Variants in TRAF3 observed in about 807,000 individuals in gnomAD.
TRAF3 encodes TNF receptor associated factor 3, also known as TNF receptor-associated factor 3.
A neutral mutation model predicts 62.3 loss-of-function variants in TRAF3; 13 were observed. The ratio of observed to expected loss-of-function variants is 0.21; its 90% CI spans 0.14 to 0.33. The LOEUF is 0.33. Among genes scored for constraint, TRAF3 ranks in the 10% least tolerant of loss-of-function variants. TRAF3 has a pLI of 1.00. For synonymous variants in TRAF3, 269 were observed against 283.4 expected (o/e 0.95, Z 0.51); for missense variants, 440 against 741.8 (o/e 0.59, Z 4.73).
chr14:102,833,732 C>T (rs907794152), intron 2 of TRAF3, among the ~76,000 whole-genome samples: 1 of 152,188 alleles, frequency 6.6e-6, no homozygotes, highest in Non-Finnish European at 1.5e-5. Context: ...CGGTGGCTCA[C>T]GCTTGTAATC....
chr14:102,889,118 T>A (rs1366168904), intron 7 of TRAF3, among the ~76,000 whole-genome samples: 1 of 152,246 alleles, frequency 6.6e-6, no homozygotes, highest in Non-Finnish European at 1.5e-5. Context: ...TGTGTAAGCT[T>A]GCTTTGAAAA....
chr14:102,814,148 C>T (rs971406172), intron 1 of TRAF3, among the ~76,000 whole-genome samples: 1 of 152,172 alleles, frequency 6.6e-6, no homozygotes, highest in African/African-American at 2.4e-5. Flanking sequence ...TTAATTTTCA[C>T]AGCACCATTT....
intron 1 of TRAF3, among the ~76,000 whole-genome samples, chr14:102,787,383 T>A (rs575290927): frequency 1.3e-5 from 2 of 152,242 alleles, no homozygotes; most frequent in South Asian, 2.1e-4. Flanking sequence ...AATAATAATA[T>A]TCTTCAATTT....
At chr14:102,841,800 A>G (rs781092301) in intron 2 of TRAF3, among the ~76,000 whole-genome samples, 1 of 152,242 alleles carries the variant, frequency 6.6e-6, no homozygotes, top group Non-Finnish European at 1.5e-5. Context: ...AAGACAAGGG[A>G]TGATGCAATT....
chr14:102,806,718 A>G (rs1009363005), intron 1 of TRAF3, among the ~76,000 whole-genome samples: 1 of 152,164 alleles, frequency 6.6e-6, no homozygotes, highest in Non-Finnish European at 1.5e-5. Context: ...TGCTGATTCC[A>G]GAAGAATAGA....
intron 7 of TRAF3, among the ~76,000 whole-genome samples, chr14:102,886,699 A>G (rs1240078540): frequency 6.6e-6 from 1 of 151,542 alleles, no homozygotes; most frequent in African/African-American, 2.4e-5. Context: ...GAGGTTGAAC[A>G]GAGCCGAGAT....
intron 2 of TRAF3, among the ~76,000 whole-genome samples, chr14:102,860,167 A>G (rs190275243): frequency 2.0e-5 from 3 of 152,366 alleles, no homozygotes; most frequent in East Asian, 1.9e-4. Context: ...CAAAGATCCA[A>G]GTATCCCCCA....
At chr14:102,803,084 A>G (rs916566405) in intron 1 of TRAF3, among the ~76,000 whole-genome samples, 15 of 152,098 alleles carry the variant, frequency 9.9e-5, no homozygotes, top group South Asian at 4.1e-4. Flanking sequence ...CCATGATTCA[A>G]TTACCTCCCC....
At chr14:102,811,182 G>C (rs1899107879) in intron 1 of TRAF3, among the ~76,000 whole-genome samples, 1 of 152,116 alleles carries the variant, frequency 6.6e-6, no homozygotes, top group Non-Finnish European at 1.5e-5. Flanking sequence ...AGGACAGCCT[G>C]ATCCTTAAGG....
At chr14:102,797,702 T>C (rs1251378163) in intron 1 of TRAF3, among the ~76,000 whole-genome samples, 1 of 152,044 alleles carries the variant, frequency 6.6e-6, no homozygotes, top group East Asian at 1.9e-4. Flanking sequence ...TGAAAAATGG[T>C]ATTTAAGGTT....
At chr14:102,850,999 G>A (rs1205538157) in intron 2 of TRAF3, among the ~76,000 whole-genome samples, 3 of 152,154 alleles carry the variant, frequency 2.0e-5, no homozygotes, top group East Asian at 1.9e-4. Flanking sequence ...TATGATTGCC[G>A]TGCTAACCAG....
rs535875313 is a variant in TRAF3, at chr14:102,895,747, A to G, written c.820-1514A>G. On this transcript the variant is annotated intron_variant, in intron 9 of 11. Coordinates refer to ENST00000392745, the MANE Select transcript of TRAF3 (RefSeq NM_145725.3). ...TTTTCATCTTTGAGACCAGGTGTTA[A>G]TTTGTCTTTGGGAGCTAATTATCTT... is the stretch of plus-strand genomic sequence containing the variant. Among the ~76,000 whole-genome samples, 5 of 152,306 alleles carry G rather than the reference A, an allele frequency of 3.3e-5. No homozygotes were observed. The South Asian group carries it at 1.0e-3, about 32-fold the overall frequency.
At chr14:102,901,263 C>T (rs953750346) in intron 10 of TRAF3, among the ~76,000 whole-genome samples, 1 of 152,042 alleles carries the variant, frequency 6.6e-6, no homozygotes, top group African/African-American at 2.4e-5. Context: ...TCGGTGCCAT[C>T]CCCCTCTTAA....
chr14:102,803,175 T>C (rs1898547371), intron 1 of TRAF3, among the ~76,000 whole-genome samples: 1 of 152,224 alleles, frequency 6.6e-6, no homozygotes, highest in African/African-American at 2.4e-5. Context: ...GCCCTATCAG[T>C]GGCTTACGCT....
intron 1 of TRAF3, among the ~76,000 whole-genome samples, chr14:102,791,698 A>T (rs1897798310): frequency 6.6e-6 from 1 of 152,210 alleles, no homozygotes; most frequent in South Asian, 2.1e-4. Context: ...TCTGGCTAAG[A>T]CATTTAGTAA....
chr14:102,903,143 TA>T lies in TRAF3; in HGVS notation c.961-111del. 1 of 1,482,170 alleles carries T rather than the reference TA, an allele frequency of 6.7e-7. No homozygotes were observed. The highest frequency in any genetic ancestry group is 9.4e-7 in the Non-Finnish European group (1 of 1,063,662). The allele number at this position is 1,482,170 out of a possible 1,614,324, so 91.8% of individuals were successfully genotyped here. On this transcript the variant is annotated intron_variant, in intron 10 of 11. Transcript: ENST00000392745. The surrounding 1 kb of genome is among the most constrained non-coding windows in gnomAD (Gnocchi z 6.4). ...TCAGAGCCGCGGGTGGCAGGCCTCA[TA>T]CAGGGGCCTCTGACTGTTCTGCTCC...
Position 102,777,487 on chromosome 14 carries a change from G to C in TRAF3, c.-345G>C, listed in dbSNP as rs1373115931. On this transcript the variant is annotated 5_prime_UTR_variant, in exon 1 of 12. Transcript: ENST00000392745. ...AGGGAGCGAGGGAGCGAGGGAGCGC[G>C]GCGCGGCCGCCGCGTGCGCGAGCCG... 2 of 144,608 alleles carry C rather than the reference G, an allele frequency of 1.4e-5. No individual in the cohort carries two copies. Among genetic ancestry groups the C allele is most frequent in the Non-Finnish European group, 3.1e-5 (2 of 65,086 alleles). 9.0% of individuals were successfully genotyped at this position (144,608 alleles called of 1,614,324 possible).
intron 6 of TRAF3, among the ~76,000 whole-genome samples, chr14:102,882,671 C>T (rs182027176): frequency 1.7e-4 from 26 of 152,006 alleles, no homozygotes; most frequent in Non-Finnish European, 3.4e-4. Flanking sequence ...ACCTAAAGCC[C>T]AGGTCATTCT....
chr14:102,870,841 C>T (rs972680240), intron 3 of TRAF3, among the ~76,000 whole-genome samples: 13 of 152,138 alleles, frequency 8.5e-5, no homozygotes, highest in African/African-American at 3.1e-4. Context: ...ATGGGGTCAG[C>T]TTAAAGGACT....
Sources: gnomAD v4.1 joint callset for allele counts (sites outside exome capture counted in the v4.1 genomes callset) on GRCh38, gnomAD v4.1.1 for gene constraint, Gnocchi (gnomAD v3.1) non-coding constraint, MANE v1.5 for transcripts, NCBI Gene and HGNC (gene_info 2026-07-23, HGNC 2026-07-21) for gene names.